The following ADAMTS20 variants were observed in gnomAD, a reference collection of about 807,000 sequenced individuals.
ADAMTS20 encodes ADAM metallopeptidase with thrombospondin type 1 motif 20.
A neutral mutation model predicts 260.1 loss-of-function variants in ADAMTS20; 225 were observed. The observed-to-expected ratio is 0.87, with a 90% confidence interval of 0.78 to 0.97. The LOEUF is 0.97. Among genes scored for constraint, ADAMTS20 ranks in the 50% least tolerant of loss-of-function variants. ADAMTS20 has a pLI of 0.00. For synonymous variants in ADAMTS20, 802 were observed against 769.5 expected, an observed-to-expected ratio of 1.04 and a Z score of -0.70; for missense variants, 2,400 against 2,337.7, an observed-to-expected ratio of 1.03 and a Z score of -0.55.
chr12:43,356,680 T>C (rs987729970), intron 37 of ADAMTS20, 92 bp from the exon 38 acceptor site: 46 of 791,712 alleles, frequency 5.8e-5, no homozygotes, highest in Non-Finnish European at 7.2e-5. Context: ...GCAACTGAAT[T>C]AATACTATAT....
At position 43,369,358 on chromosome 12, in the gene ADAMTS20, T is replaced by C. The variant is rs781721859; in HGVS notation, c.5470A>G (p.Thr1824Ala). The change falls in exon 37 of 39, where the codon ACA becomes GCA. Residue 1824 changes from threonine to alanine, a missense_variant. Physicochemically the swap from Thr to Ala is moderately conservative, Grantham distance 58. Transcript: ENST00000389420. The part of the protein sequence containing the change: ...IKTTDLLFSK[T>A]IFGNAVPFAT... ...AATGGAACTGCATTTCCAAATATTG[T>C]TTTGGAAAAAAGAAGGTCCGTAGCT... The C allele has an allele frequency of 1.3e-6, 2 of 1,553,542 alleles. No individual in the cohort carries two copies. The highest frequency in any genetic ancestry group is 1.2e-5 in the South Asian group (1 of 80,396).
intron 22 of ADAMTS20, 112 bp downstream of exon 22, chr12:43,431,220 T>C (rs1197440965): frequency 1.1e-5 from 13 of 1,153,196 alleles, no homozygotes; most frequent in Non-Finnish European, 1.4e-5. Context: ...TGTTTTTTAA[T>C]AAACCAAGCC....
At chr12:43,460,679 A>G (rs964967272) in intron 11 of ADAMTS20, among the ~76,000 whole-genome samples, 2 of 152,092 alleles carry the variant, frequency 1.3e-5, no homozygotes, top group African/African-American at 2.4e-5. Context: ...GAAATGATTC[A>G]AATATCTATT....
rs766014084 is a variant in ADAMTS20, at chr12:43,532,070, A to T, written c.579T>A (p.Ser193=). Residue 193 remains serine, a synonymous_variant, in exon 3 of 39, where the codon TCT becomes TCA. Coordinates refer to ENST00000389420, the MANE Select transcript of ADAMTS20 (RefSeq NM_025003.5). The part of the protein sequence containing the change: ...HLIYRQDLNN[S]FLQTLKYCSV... ...TGCAATACTTCAGAGTCTGCAGAAA[A>T]GAGTTATTTAAGTCTTGTCTGTATA... The T allele has an allele frequency of 6.2e-7, 1 of 1,605,842 alleles. No homozygotes were observed. The highest frequency in any genetic ancestry group is 1.3e-5 in the African/African-American group (1 of 74,708).
Position 43,446,587 on chromosome 12 carries a change from CA to C in ADAMTS20, c.2197+7del, listed in dbSNP as rs1285798396. The C allele has an allele frequency of 6.2e-7, 1 of 1,606,070 alleles. No homozygotes were observed. The highest frequency in any genetic ancestry group is 8.5e-7 in the Non-Finnish European group (1 of 1,173,386). ...AAAGCGAAATCTAGAAACAAATACA[CA>C]ACTTACCATAATGAGAACTGTTGAA... On this transcript the variant is annotated splice_region_variant and intron_variant, in intron 15 of 38. Coordinates refer to ENST00000389420, the MANE Select transcript of ADAMTS20 (RefSeq NM_025003.5).
intron 7 of ADAMTS20, among the ~76,000 whole-genome samples, chr12:43,477,137 A>T (rs954930759): frequency 6.6e-6 from 1 of 151,998 alleles, no homozygotes; most frequent in Non-Finnish European, 1.5e-5. Context: ...TCATCATCAC[A>T]TTATACGTTT....
At chr12:43,441,981 C>T (rs1941674203) in intron 16 of ADAMTS20, among the ~76,000 whole-genome samples, 1 of 152,084 alleles carries the variant, frequency 6.6e-6, no homozygotes, top group African/African-American at 2.4e-5. Context: ...CATAGACATT[C>T]CTCTATTTAA....
chr12:43,370,109 T>C (rs1293963992), intron 36 of ADAMTS20, among the ~76,000 whole-genome samples: 1 of 152,190 alleles, frequency 6.6e-6, no homozygotes, highest in Non-Finnish European at 1.5e-5. Flanking sequence ...CCAAATCTCT[T>C]CACTTTCAAG....
chr12:43,437,207 T>C (rs1325219939), intron 18 of ADAMTS20, among the ~76,000 whole-genome samples: 1 of 152,096 alleles, frequency 6.6e-6, no homozygotes, highest in African/African-American at 2.4e-5. Context: ...ATTATATTCA[T>C]AAAACAAAAG....
At chr12:43,434,457 A>G in intron 18 of ADAMTS20, 86 bp from the exon 19 acceptor site, 1 of 1,388,340 alleles carries the variant, frequency 7.2e-7, no homozygotes, top group Non-Finnish European at 9.6e-7. Context: ...CTAATAGCTT[A>G]AAGGAGCCAG....
Position 43,468,620 on chromosome 12 carries a change from T to C in ADAMTS20, c.1203A>G (p.Ile401Met). ...CTTACGTGTGCCCAAGCTCATGGGC[T>C]ATAGTAAAAGCAGAAATGAGTCCTT... ...EEKGLISAFTIAHELGHTLGV... is the reference protein window; with the variant it reads ...EEKGLISAFTMAHELGHTLGV... The change falls in exon 8 of 39, where the codon ATA becomes ATG. Residue 401 changes from isoleucine to methionine, a missense_variant. Transcript: ENST00000389420. 6.2e-7 allele frequency: 1 copy of C among 1,609,018 alleles called. No homozygotes were observed. Among genetic ancestry groups the C allele is most frequent in the Non-Finnish European group, 8.5e-7 (1 of 1,176,918 alleles).
At chr12:43,454,633 C>T (rs779414529) in intron 11 of ADAMTS20, among the ~76,000 whole-genome samples, 37 of 152,232 alleles carry the variant, frequency 2.4e-4, no homozygotes, top group Admixed American at 6.5e-4. Context: ...AAAGTCAATC[C>T]CCCTGCTTGT....
chr12:43,492,445 C>G, intron 6 of ADAMTS20, 60 bp downstream of exon 6: 2 of 1,493,746 alleles, frequency 1.3e-6, no homozygotes, highest in Non-Finnish European at 1.8e-6. Context: ...GAAGAAGTAT[C>G]AGTCATGCAG....
rs534703617 is a variant in ADAMTS20 at position 43,527,213 on chromosome 12, C to T, written c.613+4823G>A. Among the ~76,000 whole-genome samples, 7 of 152,072 alleles carry T rather than the reference C, an allele frequency of 4.6e-5. No individual in the cohort carries two copies. The East Asian group carries it at 5.8e-4, about 13-fold the overall frequency. On this transcript the variant is annotated intron_variant, in intron 3 of 38. Transcript: ENST00000389420. ...CAGTAATTTTAACAATTGCAAACAA[C>T]GACAAGCCCAGGGCCAGATAGATTC...
At chr12:43,453,094 A>G (rs1941899806) in intron 12 of ADAMTS20, among the ~76,000 whole-genome samples, 1 of 152,204 alleles carries the variant, frequency 6.6e-6, no homozygotes. Flanking sequence ...TCTGTCATGT[A>G]TATCTTATTT....
intron 14 of ADAMTS20, among the ~76,000 whole-genome samples, chr12:43,448,796 A>C (rs1449178734): frequency 1.3e-5 from 2 of 152,200 alleles, no homozygotes; most frequent in Admixed American, 1.3e-4. Flanking sequence ...TTACAAGAAA[A>C]AAAAACAATC....
At position 43,425,628 on chromosome 12, in the gene ADAMTS20, G is replaced by A; in HGVS notation, c.4170C>T (p.Gly1390=). 6.2e-7 allele frequency: 1 copy of A among 1,609,674 alleles called. No individual in the cohort carries two copies. The change falls in exon 28 of 39, where the codon GGC becomes GGT. Residue 1390 remains glycine (G), a synonymous_variant. Coordinates refer to ENST00000389420, the MANE Select transcript of ADAMTS20 (RefSeq NM_025003.5). ...CACAGTTGTGATCTTCTAATATTTGGCCATTGGGAAATTGACATATTACAA... is the reference window on the plus strand; with the variant it reads ...CACAGTTGTGATCTTCTAATATTTGACCATTGGGAAATTGACATATTACAA... The part of the protein sequence containing the change: ...SRLVICQFPN[G]QILEDHNCEI...
At chr12:43,366,185 G>A (rs768499721) in intron 37 of ADAMTS20, among the ~76,000 whole-genome samples, 1 of 151,756 alleles carries the variant, frequency 6.6e-6, no homozygotes, top group Non-Finnish European at 1.5e-5. Flanking sequence ...AGCTGGAGTG[G>A]CCACACTAGT....
chr12:43,358,326 C>T (rs976077160), intron 37 of ADAMTS20, among the ~76,000 whole-genome samples: 2 of 152,156 alleles, frequency 1.3e-5, no homozygotes, highest in African/African-American at 4.8e-5. Context: ...TTTTCATGAG[C>T]TTTACTTCTG....
Sources: gnomAD v4.1 joint callset for allele counts (sites outside exome capture counted in the v4.1 genomes callset) on GRCh38, gnomAD v4.1.1 for gene constraint, MANE v1.5 for transcripts, NCBI Gene and HGNC (gene_info 2026-07-23, HGNC 2026-07-21) for gene names.